The following UPRT variants were observed in gnomAD, a reference collection of about 807,000 sequenced individuals.
UPRT encodes the protein uracil phosphoribosyltransferase homolog, also known as RP11-311P8.3.
In UPRT, 5 loss-of-function variants were observed where a neutral mutation model predicts 22.6. The observed-to-expected ratio is 0.22, with a 90% CI of 0.12 to 0.47. The LOEUF is 0.47. Among genes scored for constraint, UPRT ranks in the 20% least tolerant of loss-of-function variants. The probability of loss-of-function intolerance (pLI) is 0.99; values close to 1 mark genes in which losing one functional copy is unlikely to be tolerated. For missense variants in UPRT, 181 were observed against 239.9 expected (o/e 0.75, Z 1.62); for synonymous variants, 77 against 87.7 (o/e 0.88, Z 0.68).
chrX:75,186,496 C>T (rs1408474274), intron 4 of UPRT, among the ~76,000 whole-genome samples: 1 of 111,710 alleles, frequency 9.0e-6, no homozygotes, highest in Non-Finnish European at 1.9e-5. Flanking sequence ...AATGTATATT[C>T]TGTTGAGTTG....
At chrX:75,207,591 C>T (rs1358645261) in intron 4 of UPRT, among the ~76,000 whole-genome samples, 1 of 111,335 alleles carries the variant, frequency 9.0e-6, no homozygotes, top group Non-Finnish European at 1.9e-5. Flanking sequence ...AGAGGGTTTC[C>T]TATGAATAAG....
rs747011152 is a variant in UPRT, at chrX:75,262,859, G to C, written c.-446-28165G>C. On this transcript the variant is annotated intron_variant, in intron 4 of 13. Coordinates refer to the UPRT transcript ENST00000652605. ...AGATTCCCACACAAAAATAGTGGGA[G>C]ACTTTAACATGCCACTGTCAATATT... Among the ~76,000 whole-genome samples, 12 of 111,464 alleles carry C rather than the reference G, an allele frequency of 1.1e-4. No homozygotes were observed. The East Asian group carries it at 3.4e-3, about 31-fold the overall frequency.
At chrX:75,277,564 A>C (rs906354030) in intron 1 of UPRT, among the ~76,000 whole-genome samples, 1 of 111,228 alleles carries the variant, frequency 9.0e-6, no homozygotes, top group Non-Finnish European at 1.9e-5. Context: ...AAAACAAGAT[A>C]CTGTTCATGA....
At chrX:75,253,451 C>T (rs2082538920) in intron 4 of UPRT, among the ~76,000 whole-genome samples, 1 of 112,323 alleles carries the variant, frequency 8.9e-6, no homozygotes, top group South Asian at 3.7e-4. Context: ...AATGCTTATA[C>T]ACTGTAAGTG....
At chrX:75,165,294 T>C (rs939263377) in intron 3 of UPRT, among the ~76,000 whole-genome samples, 2 of 111,887 alleles carry the variant, frequency 1.8e-5, no homozygotes, top group African/African-American at 6.5e-5. Flanking sequence ...ACAAGCCCAG[T>C]TTGTTTAACC....
chrX:75,221,165 CTG>C (rs1313314044), intron 4 of UPRT, among the ~76,000 whole-genome samples: 1 of 111,109 alleles, frequency 9.0e-6, no homozygotes, highest in African/African-American at 3.3e-5. Context: ...AAGATTTCCA[CTG>C]GAAAACCTGC....
intron 4 of UPRT, among the ~76,000 whole-genome samples, chrX:75,183,866 GGTT>G (rs1466707631): frequency 8.9e-6 from 1 of 111,877 alleles, no homozygotes; most frequent in Admixed American, 9.4e-5. Context: ...TTATTGATGG[GGTT>G]GTTTGTTTTT....
intron 1 of UPRT, 55 bp downstream of exon 1, chrX:75,274,695 G>A: frequency 8.8e-7 from 1 of 1,130,462 alleles, no homozygotes; most frequent in Non-Finnish European, 1.2e-6. Flanking sequence ...GGCTGTGGGC[G>A]GGGATTGGAA....
intron 4 of UPRT, among the ~76,000 whole-genome samples, chrX:75,198,378 G>A (rs894435116): frequency 8.9e-6 from 1 of 112,368 alleles, no homozygotes; most frequent in Non-Finnish European, 1.9e-5. Context: ...TTTTCCAAAA[G>A]TATGCAATTA....
chrX:75,185,524 T>A (rs1162006069), intron 4 of UPRT, among the ~76,000 whole-genome samples: 3 of 112,185 alleles, frequency 2.7e-5, no homozygotes, highest in Non-Finnish European at 5.6e-5. Context: ...ATCAGAATGA[T>A]GCTGGCCTCA....
At chrX:75,202,859 A>G (rs1407531492) in intron 4 of UPRT, 2 of 112,293 alleles carry the variant, frequency 1.8e-5, no homozygotes, top group African/African-American at 6.5e-5. Flanking sequence ...ATTAAAGTAC[A>G]AAGACCAATG....
intron 4 of UPRT, among the ~76,000 whole-genome samples, chrX:75,242,772 C>T (rs1430723197): frequency 9.0e-6 from 1 of 111,356 alleles, no homozygotes; most frequent in Non-Finnish European, 1.9e-5. Context: ...CAACTCTACT[C>T]CTTATGATGT....
chrX:75,291,470 C>A, intron 1 of UPRT: 1 of 309,569 alleles, frequency 3.2e-6, no homozygotes, highest in South Asian at 3.0e-5. Context: ...GAGTCTGGTT[C>A]ATATTAAAAC....
At chrX:75,269,210 A>T (rs999272642), upstream of UPRT, among the ~76,000 whole-genome samples, 1 of 111,732 alleles carries the variant, frequency 8.9e-6, no homozygotes, top group African/African-American at 3.3e-5. Flanking sequence ...GGTGTGAAGG[A>T]CCTCTTCAAG....
At chrX:75,294,711 G>A (rs966477386) in intron 2 of UPRT, 3 of 563,570 alleles carry the variant, frequency 5.3e-6, no homozygotes, top group Non-Finnish European at 7.0e-6. Flanking sequence ...CAAGATAAAT[G>A]TGGTTGACAT....
intron 4 of UPRT, among the ~76,000 whole-genome samples, chrX:75,255,670 C>T (rs1430010846): frequency 9.0e-6 from 1 of 111,630 alleles, no homozygotes; most frequent in African/African-American, 3.3e-5. Context: ...TGGAAAGAGA[C>T]ATTTCATGCA....
intron 1 of UPRT, among the ~76,000 whole-genome samples, chrX:75,287,310 CTAG>C (rs767790782): frequency 9.0e-6 from 1 of 111,441 alleles, no homozygotes; most frequent in Non-Finnish European, 1.9e-5. Context: ...AGTAATAGTA[CTAG>C]TAGTAGTGAG....
chrX:75,235,377 A>T (rs1442769312), intron 4 of UPRT, among the ~76,000 whole-genome samples: 2 of 111,802 alleles, frequency 1.8e-5, no homozygotes, highest in Non-Finnish European at 1.9e-5. Context: ...AACTGGTACC[A>T]TTCCTTCTGA....
chrX:75,180,991 T>C (rs1393537100), intron 4 of UPRT, among the ~76,000 whole-genome samples: 1 of 110,601 alleles, frequency 9.0e-6, no homozygotes, highest in African/African-American at 3.3e-5. Flanking sequence ...TTTTATAGTT[T>C]TGGGTTTTAA....
Sources: allele counts gnomAD v4.1 joint callset (sites outside exome capture counted in the v4.1 genomes callset), GRCh38; gene constraint gnomAD v4.1.1; transcripts MANE v1.5; gene names NCBI Gene and HGNC (gene_info 2026-07-23, HGNC 2026-07-21).